Variants in DCSTAMP observed in about 807,000 individuals in gnomAD.
The protein encoded by DCSTAMP is dendritic cell-specific transmembrane protein.
Under a neutral mutation model 33.8 loss-of-function variants are expected in DCSTAMP, and 25 were observed. That is an observed-to-expected ratio of 0.74 (90% confidence interval 0.54 to 1.03). The LOEUF (loss-of-function observed/expected upper bound fraction) is 1.03. Among genes scored for constraint, DCSTAMP ranks in the 50% least tolerant of loss-of-function variants. DCSTAMP has a pLI of 0.00. For missense variants in DCSTAMP, 531 were observed against 556.8 expected (o/e 0.95, Z 0.47); for synonymous variants, 245 against 216.7 (o/e 1.13, Z -1.15).
chr8:104,354,540 C>G (rs1810560073), intron 2 of DCSTAMP, among the ~76,000 whole-genome samples: 1 of 152,228 alleles, frequency 6.6e-6, no homozygotes, highest in South Asian at 2.1e-4. Context: ...AAAGATTCCT[C>G]TGCCTACTCC....
chr8:104,348,397 A>G (rs1187531782), intron 1 of DCSTAMP, 144 bp from the exon 2 acceptor site: 8 of 777,622 alleles, frequency 1.0e-5, no homozygotes, highest in African/African-American at 1.8e-5. Flanking sequence ...AAGAAGCTGT[A>G]AAGTCATATT....
chr8:104,356,457 G>C lies in DCSTAMP; in HGVS notation c.*259G>C, dbSNP rs3808401. On this transcript the variant is annotated 3_prime_UTR_variant, in exon 4 of 4. Coordinates refer to ENST00000297581, the MANE Select transcript of DCSTAMP (RefSeq NM_030788.4). ...TGTGTCACAATGTAACAAGACTCTA[G>C]CTGGGTCCCCTGGTGATGAGTTTCA... 34,505 of 283,310 alleles carry C rather than the reference G, an allele frequency of 0.12. 2,298 individuals are homozygous for C. Among genetic ancestry groups the C allele is most frequent in the Admixed American group, 0.17 (3,178 of 18,912 alleles). 17.5% of individuals were successfully genotyped at this position (283,310 alleles called of 1,614,324 possible). A position where few individuals can be genotyped will look rare whatever the true frequency, so the allele number is the denominator to read the frequency against.
chr8:104,352,972 A>AGAAACACT (rs1302553201), intron 2 of DCSTAMP, among the ~76,000 whole-genome samples: 7 of 152,214 alleles, frequency 4.6e-5, no homozygotes, highest in African/African-American at 1.7e-4. Context: ...GCCAAGGAGA[A>AGAAACACT]GTCACACAGG....
chr8:104,341,786 G>A (rs1282841191), intron 1 of DCSTAMP, among the ~76,000 whole-genome samples: 1 of 152,210 alleles, frequency 6.6e-6, no homozygotes, highest in Admixed American at 6.5e-5. Flanking sequence ...GAGAGATGGG[G>A]CCCTTGGTGG....
chr8:104,347,242 A>G (rs1008784337), intron 1 of DCSTAMP, among the ~76,000 whole-genome samples: 1 of 152,214 alleles, frequency 6.6e-6, no homozygotes, highest in Non-Finnish European at 1.5e-5. Context: ...TCTCAGTGAC[A>G]AAAAATAAAT....
At position 104,355,057 on chromosome 8, in the gene DCSTAMP, G is replaced by T. The variant is rs1368267685; in HGVS notation, c.1210G>T (p.Val404Leu). Residue 404 changes from valine to leucine, a missense_variant, in exon 3 of 4, where the codon GTG (valine) becomes TTG (leucine). Physicochemically the swap from Val to Leu is conservative, Grantham distance 32. Transcript: ENST00000297581. ...TATCCTTATGCAACTTAAAATCCTG[G>T]TGTCAGCATCTTTCTACCCCAGCGT... ...SSILMQLKIL[V>L]SASFYPSVER... The T allele has an allele frequency of 1.9e-6, 3 of 1,613,896 alleles. No individual in the cohort carries two copies.
rs143175180 is a variant in DCSTAMP, at chr8:104,348,974, T to C, written c.422T>C (p.Leu141Ser). 5.6e-6 allele frequency: 9 copies of C among 1,614,094 alleles called. No homozygotes were observed. The African/African-American group carries it at 9.3e-5, about 17-fold the overall frequency. Residue 141 changes from leucine (L) to serine (S), a missense_variant, in exon 2 of 4, where the codon TTG becomes TCG. Transcript: ENST00000297581. ...AGCTTTTCCATACATTTTCCACTTT[T>C]GAAAAAATATATTGAGGCAATTCAG... Reference protein sequence around the residue: ...AKSFSIHFPLLKKYIEAIQWI... With the variant: ...AKSFSIHFPLSKKYIEAIQWI...
At chr8:104,347,553 C>G (rs886533783) in intron 1 of DCSTAMP, among the ~76,000 whole-genome samples, 4 of 152,240 alleles carry the variant, frequency 2.6e-5, no homozygotes, top group South Asian at 2.1e-4. Flanking sequence ...CAAAGACTCT[C>G]TAGCAGACCA....
Position 104,348,603 on chromosome 8 carries a change from T to A in DCSTAMP, c.51T>A (p.Ile17=). Residue 17 remains isoleucine (I), a synonymous_variant, in exon 2 of 4, where the codon ATT becomes ATA. Coordinates refer to ENST00000297581, the MANE Select transcript of DCSTAMP (RefSeq NM_030788.4). ...GTDIFLSLWE[I]YVSPRSPGWM... ...ATATCTTCCTAAGTCTTTGGGAGAT[T>A]TACGTGTCTCCAAGAAGCCCCGGAT... The A allele has an allele frequency of 5.6e-6, 9 of 1,614,190 alleles. No homozygotes were observed. Among genetic ancestry groups the A allele is most frequent in the Non-Finnish European group, 6.8e-6 (8 of 1,180,026 alleles).
chr8:104,353,744 C>T (rs145240403), intron 2 of DCSTAMP, among the ~76,000 whole-genome samples: 3 of 152,380 alleles, frequency 2.0e-5, no homozygotes, highest in South Asian at 2.1e-4. Context: ...AGGTGCCCAG[C>T]GTCCGCTGGG....
intron 3 of DCSTAMP, among the ~76,000 whole-genome samples, 196 bp downstream of exon 3, chr8:104,355,381 C>T (rs1448127520): frequency 6.6e-6 from 1 of 152,122 alleles, no homozygotes; most frequent in Non-Finnish European, 1.5e-5. Flanking sequence ...AATGCTGATC[C>T]AAAGGATACT....
chr8:104,345,390 G>A (rs190832996), intron 1 of DCSTAMP, among the ~76,000 whole-genome samples: 3 of 152,266 alleles, frequency 2.0e-5, no homozygotes, highest in Admixed American at 1.3e-4. Context: ...CTCATGGGCC[G>A]AAATTGTGCT....
Position 104,352,328 on chromosome 8 carries a change from C to T in DCSTAMP, c.1030-2549C>T, listed in dbSNP as rs140166373. 7.0e-4 allele frequency among the ~76,000 whole-genome samples: 107 copies of T among 152,328 alleles called. 1 individual carries two copies. In the East Asian group the frequency reaches 0.019, roughly 27 times the overall value. On this transcript the variant is annotated intron_variant, in intron 2 of 3. Transcript: ENST00000297581. ...CTGAAGAATCCCGTTAATTACAAGGCACCCTGTTGCTCTAGATATTTGGAG... is the reference window on the plus strand; with the variant it reads ...CTGAAGAATCCCGTTAATTACAAGGTACCCTGTTGCTCTAGATATTTGGAG...
At chr8:104,341,508 G>C (rs1343966121) in intron 1 of DCSTAMP, among the ~76,000 whole-genome samples, 5 of 152,210 alleles carry the variant, frequency 3.3e-5, no homozygotes, top group Non-Finnish European at 5.9e-5. Context: ...ATCCCATGCA[G>C]GGAAAACGAT....
chr8:104,356,447 C>T lies in DCSTAMP; in HGVS notation c.*249C>T. On this transcript the variant is annotated 3_prime_UTR_variant, in exon 4 of 4. Coordinates refer to ENST00000297581, the MANE Select transcript of DCSTAMP (RefSeq NM_030788.4). ...TGATCTTGCCTGTGTCACAATGTAA[C>T]AAGACTCTAGCTGGGTCCCCTGGTG... The T allele has an allele frequency of 3.3e-6, 1 of 306,060 alleles. No homozygotes were observed. Among genetic ancestry groups the T allele is most frequent in the East Asian group, 5.7e-5 (1 of 17,620 alleles). The allele number at this position is 306,060 out of a possible 1,614,324, so 19.0% of individuals were successfully genotyped here. A position where few individuals can be genotyped will look rare whatever the true frequency, so the allele number is the denominator to read the frequency against.
intron 1 of DCSTAMP, among the ~76,000 whole-genome samples, chr8:104,340,135 G>C (rs1010629917): frequency 1.3e-5 from 2 of 152,174 alleles, no homozygotes; most frequent in Non-Finnish European, 2.9e-5. Context: ...AATCCTCCTG[G>C]TGGTTATGGG....
chr8:104,347,108 C>G (rs1314444167), intron 1 of DCSTAMP, among the ~76,000 whole-genome samples: 1 of 152,142 alleles, frequency 6.6e-6, no homozygotes, highest in Admixed American at 6.5e-5. Flanking sequence ...TATATCACTC[C>G]AAATGAATCC....
chr8:104,355,340 A>C (rs1318661479), intron 3 of DCSTAMP, among the ~76,000 whole-genome samples, 155 bp downstream of exon 3: 1 of 152,202 alleles, frequency 6.6e-6, no homozygotes, highest in Non-Finnish European at 1.5e-5. Flanking sequence ...GAACAAACGT[A>C]CGTGGCTAGG....
chr8:104,348,812 T>C lies in DCSTAMP; in HGVS notation c.260T>C (p.Leu87Pro). 1 of 1,614,182 alleles carries C rather than the reference T, an allele frequency of 6.2e-7. No homozygotes were observed. The stretch of plus-strand genomic sequence containing the variant: ...CGATGTTTTATTCTTCTTGTCTTTC[T>C]CTCTTGTGGCCTGCGTGAAGGCAGG... ...HARCFILLVF[L>P]SCGLREGRNA... is the part of the protein sequence containing the mutation. The change falls in exon 2 of 4, where the codon CTC becomes CCC. Residue 87 changes from leucine (L) to proline (P), a missense_variant. Transcript: ENST00000297581.
Sources: allele counts gnomAD v4.1 joint callset (sites outside exome capture counted in the v4.1 genomes callset), GRCh38; gene constraint gnomAD v4.1.1; transcripts MANE v1.5; gene names NCBI Gene and HGNC (gene_info 2026-07-23, HGNC 2026-07-21).